The following LARP4B variants were observed in gnomAD, a reference collection of about 807,000 sequenced individuals.
LARP4B encodes la-related protein 4B.
In LARP4B, 12 loss-of-function variants were observed where a neutral mutation model predicts 89.8. The observed-to-expected ratio is 0.13, with a 90% CI of 0.09 to 0.22. LARP4B has a LOEUF of 0.22. Ranked by LOEUF, LARP4B falls within the 10% of genes least tolerant of loss-of-function variation. LARP4B has a pLI of 1.00. For missense variants in LARP4B, 757 were observed against 947.7 expected (o/e 0.80, Z 2.64); for synonymous variants, 367 against 363.3 (o/e 1.01, Z -0.12).
At chr10:823,123 G>A (rs1832442130) in intron 13 of LARP4B, among the ~76,000 whole-genome samples, 1 of 152,214 alleles carries the variant, frequency 6.6e-6, no homozygotes, top group Non-Finnish European at 1.5e-5. Context: ...TCTGGCTTCA[G>A]AACCCATCGC....
chr10:968,846 A>C, the LARP4B span, among the ~76,000 whole-genome samples: 1 of 152,254 alleles, frequency 6.6e-6, no homozygotes, highest in African/African-American at 2.4e-5. Context: ...GGCTAGAAAG[A>C]GAATAGGCAG....
intron 1 of LARP4B, among the ~76,000 whole-genome samples, chr10:912,114 T>C (rs1005707872): frequency 2.0e-5 from 3 of 152,218 alleles, no homozygotes; most frequent in South Asian, 2.1e-4. Context: ...GCAGGTGTTA[T>C]GGCGTTTCCC....
At chr10:965,435 C>T in the LARP4B span, among the ~76,000 whole-genome samples, 2 of 151,990 alleles carry the variant, frequency 1.3e-5, no homozygotes, top group Non-Finnish European at 2.9e-5. Flanking sequence ...GGTGCCCGCT[C>T]CCCCCCGTTT....
intron 3 of LARP4B, among the ~76,000 whole-genome samples, chr10:874,780 C>T (rs1481332054): frequency 3.9e-5 from 6 of 151,980 alleles, no homozygotes; most frequent in Admixed American, 1.3e-4. Context: ...AGGAATTACA[C>T]TTAAACATAA....
chr10:834,689 G>C (rs1332887830), intron 8 of LARP4B, among the ~76,000 whole-genome samples: 1 of 152,102 alleles, frequency 6.6e-6, no homozygotes, highest in South Asian at 2.1e-4. Context: ...AAGACATAAG[G>C]TCAGCAGTTT....
the LARP4B span, among the ~76,000 whole-genome samples, chr10:940,534 G>C: frequency 6.6e-6 from 1 of 152,250 alleles, no homozygotes; most frequent in African/African-American, 2.4e-5. Flanking sequence ...CGGGGGGAGG[G>C]GGGCGCCTGC....
intron 1 of LARP4B, among the ~76,000 whole-genome samples, chr10:930,826 C>A (rs1482501815): frequency 1.3e-5 from 2 of 152,146 alleles, no homozygotes; most frequent in Admixed American, 6.5e-5. Context: ...GAATGCGATG[C>A]CCTGATGACC....
intron 6 of LARP4B, 150 bp downstream of exon 6, chr10:844,827 G>T: frequency 2.0e-6 from 1 of 510,432 alleles, no homozygotes; most frequent in Non-Finnish European, 3.3e-6. Context: ...AATGTCAAAA[G>T]ACTGTCATTA....
At chr10:973,823 A>G in the LARP4B span, among the ~76,000 whole-genome samples, 1 of 152,086 alleles carries the variant, frequency 6.6e-6, no homozygotes. Context: ...GTTATCTTCC[A>G]CCATCTCAGG....
Position 814,536 on chromosome 10 carries a change from G to T in LARP4B, c.1929+206C>A. ...ACTGAAATAAAAGGACTACATGGTG[G>T]TCTGAGAAAGAACTAGAGTAGTTAG... On this transcript the variant is annotated intron_variant, in intron 17 of 17. Coordinates refer to ENST00000316157, the MANE Select transcript of LARP4B (RefSeq NM_015155.3). This position sits in a 1 kb window ranked among gnomAD's most constrained non-coding sequence, Gnocchi z 4.4. The T allele has an allele frequency of 1.8e-6, 2 of 1,117,130 alleles. No individual in the cohort carries two copies. The highest frequency in any genetic ancestry group is 2.6e-6 in the Non-Finnish European group (2 of 766,708). 69.2% of individuals were successfully genotyped at this position (1,117,130 alleles called of 1,614,324 possible). A position where few individuals can be genotyped will look rare whatever the true frequency, so the allele number is the denominator to read the frequency against.
intron 1 of LARP4B, among the ~76,000 whole-genome samples, chr10:930,316 T>C (rs555516993): frequency 3.0e-4 from 45 of 152,332 alleles, no homozygotes; most frequent in South Asian, 1.5e-3. Flanking sequence ...ACGCATACTG[T>C]TTATACTTAC....
At chr10:807,033 C>A (rs1831583326), downstream of LARP4B, 1 of 152,420 alleles carries the variant, frequency 6.6e-6, no homozygotes, top group Admixed American at 6.5e-5. Context: ...TCAGACAGGG[C>A]ACAGGCGGGC....
At position 829,686 on chromosome 10, in the gene LARP4B, T is replaced by C. The variant is rs1413902724; in HGVS notation, c.910A>G (p.Ile304Val). ...EEVKTFQGKP[I>V]KARIKAKAIA... ...TAACCAATGGTCTTGCTTACCTTAA[T>C]TGGTTTTCCTTGAAAAGTTTTGACT... The change falls in exon 10 of 18, where the codon ATT (isoleucine) becomes GTT (valine). Residue 304 changes from isoleucine to valine, a missense_variant. This residue lies in a region of LARP4B where 137 missense variants were observed against 213.9 expected (regional missense o/e 0.64). Coordinates refer to ENST00000316157, the MANE Select transcript of LARP4B (RefSeq NM_015155.3). 3 of 1,612,834 alleles carry C rather than the reference T, an allele frequency of 1.9e-6. No individual in the cohort carries two copies. Among genetic ancestry groups the C allele is most frequent in the East Asian group, 4.5e-5 (2 of 44,858 alleles).
chr10:834,328 T>C (rs1452253446), intron 8 of LARP4B, among the ~76,000 whole-genome samples: 2 of 152,184 alleles, frequency 1.3e-5, no homozygotes, highest in African/African-American at 4.8e-5. Context: ...CAAACAATAA[T>C]ACTTTAAGGC....
chr10:903,631 G>C (rs1836403678), intron 1 of LARP4B: 3 of 152,200 alleles, frequency 2.0e-5, no homozygotes, highest in Admixed American at 6.5e-5. Context: ...TCCTCGTCAG[G>C]AATGCACCTT....
intron 1 of LARP4B, among the ~76,000 whole-genome samples, chr10:916,737 G>A (rs936332593): frequency 5.3e-5 from 8 of 152,172 alleles, no homozygotes; most frequent in Admixed American, 2.0e-4. Flanking sequence ...TTGCTCTGTT[G>A]TGCAGATTAG....
intron 1 of LARP4B, among the ~76,000 whole-genome samples, chr10:921,936 G>A (rs541862773): frequency 8.5e-5 from 13 of 152,290 alleles, no homozygotes; most frequent in African/African-American, 2.4e-4. Flanking sequence ...CACTGACAGC[G>A]TGAAGAAGCA....
rs192746262 is a variant in LARP4B at position 863,017 on chromosome 10, T to C, written c.430+726A>G. On this transcript the variant is annotated intron_variant, in intron 5 of 17. Transcript: ENST00000316157. ...TTCCCCAAACAACTTATTTTCTTCA[T>C]GTCACTCATTTCCTCATCAACAGGA... Among the ~76,000 whole-genome samples the C allele has an allele frequency of 2.5e-3, 380 of 152,278 alleles. 3 individuals are homozygous for C. The highest frequency in any genetic ancestry group is 8.5e-3 in the African/African-American group (354 of 41,558).
intron 3 of LARP4B, 144 bp from the exon 4 acceptor site, chr10:864,414 G>T: frequency 1.6e-6 from 1 of 611,532 alleles, no homozygotes. Flanking sequence ...ATGAAATCAG[G>T]TTCAAAATTA....
Sources: gnomAD v4.1 joint callset for allele counts (sites outside exome capture counted in the v4.1 genomes callset) on GRCh38, gnomAD v4.1.1 for gene constraint, gnomAD v4.1.1 regional missense constraint, Gnocchi (gnomAD v3.1) non-coding constraint, MANE v1.5 for transcripts, NCBI Gene and HGNC (gene_info 2026-07-23, HGNC 2026-07-21) for gene names.